Variants in CNBD1 observed in about 807,000 individuals in gnomAD.
CNBD1 encodes cyclic nucleotide-binding domain-containing protein 1.
In CNBD1, 71 loss-of-function variants were observed where a neutral mutation model predicts 54.4. The observed-to-expected ratio is 1.30, with a 90% CI of 1.08 to 1.59. The LOEUF is 1.59. Among genes scored for constraint, CNBD1 ranks in the 40% most tolerant of loss-of-function variants. CNBD1 has a pLI of 0.00. For synonymous variants in CNBD1, 182 were observed against 170.7 expected, an observed-to-expected ratio of 1.07 and a Z score of -0.51; for missense variants, 659 against 518.0, an observed-to-expected ratio of 1.27 and a Z score of -2.64.
intron 6 of CNBD1, among the ~76,000 whole-genome samples, chr8:87,254,706 G>C (rs1346739995): frequency 6.6e-6 from 1 of 152,182 alleles, no homozygotes; most frequent in Non-Finnish European, 1.5e-5. Flanking sequence ...CGTATCACCT[G>C]TTCAAGCAAT....
chr8:87,269,659 G>A (rs1808325046), intron 6 of CNBD1, among the ~76,000 whole-genome samples: 1 of 151,992 alleles, frequency 6.6e-6, no homozygotes, highest in Admixed American at 6.6e-5. Flanking sequence ...GCATTCCTAT[G>A]TGTTTTACTC....
intron 10 of CNBD1, among the ~76,000 whole-genome samples, chr8:87,365,190 G>T (rs536737920): frequency 6.6e-6 from 1 of 151,972 alleles, no homozygotes; most frequent in Admixed American, 6.6e-5. Context: ...AGTCAAAATG[G>T]CTATTCTGAC....
intron 6 of CNBD1, among the ~76,000 whole-genome samples, chr8:87,262,337 A>C (rs1046127832): frequency 1.3e-5 from 2 of 152,026 alleles, no homozygotes; most frequent in Admixed American, 1.3e-4. Flanking sequence ...TTCTTTTCTG[A>C]TGTGATGTTT....
At chr8:87,192,653 C>T (rs530082692) in intron 4 of CNBD1, among the ~76,000 whole-genome samples, 1 of 152,284 alleles carries the variant, frequency 6.6e-6, no homozygotes, top group African/African-American at 2.4e-5. Flanking sequence ...TAGTGAGTAA[C>T]CAACTAATTA....
At chr8:87,389,757 C>G (rs916407462) in intron 2 of CNBD1, among the ~76,000 whole-genome samples, 1 of 151,772 alleles carries the variant, frequency 6.6e-6, no homozygotes, top group Admixed American at 6.6e-5. Context: ...AACTAAAGTT[C>G]ATATGGAACC....
intron 4 of CNBD1, among the ~76,000 whole-genome samples, chr8:87,077,709 T>C (rs1719234755): frequency 6.6e-6 from 1 of 151,920 alleles, no homozygotes; most frequent in South Asian, 2.1e-4. Context: ...AGAATGATGG[T>C]TTCCAGCTTC....
downstream of CNBD1, among the ~76,000 whole-genome samples, chr8:87,386,890 G>C (rs191617207): frequency 0.019 from 2,870 of 152,300 alleles, 92 homozygotes; most frequent in African/African-American, 0.062. Flanking sequence ...GGAAGCCCAT[G>C]AGACTAACAG....
chr8:87,349,099 T>C (rs1374376158), intron 8 of CNBD1, among the ~76,000 whole-genome samples: 1 of 152,172 alleles, frequency 6.6e-6, no homozygotes, highest in Non-Finnish European at 1.5e-5. Flanking sequence ...ATAAATAAAA[T>C]TTTGTCTATA....
chr8:87,211,160 C>T (rs1017309273), intron 5 of CNBD1, among the ~76,000 whole-genome samples: 1 of 152,168 alleles, frequency 6.6e-6, no homozygotes, highest in Non-Finnish European at 1.5e-5. Context: ...TTGCTTGAGG[C>T]CTATAGCCTC....
In CNBD1 at chr8:87,323,733, T is replaced by C. The variant is rs1221137869; in HGVS notation, c.1043-27952T>C. 3.8e-5 allele frequency among the ~76,000 whole-genome samples: 5 copies of C among 131,720 alleles called. 1 individual carries two copies. Among genetic ancestry groups the C allele is most frequent in the Non-Finnish European group, 8.5e-5 (5 of 58,898 alleles). The allele number at this position is 131,720 out of a possible 152,430, so 86.4% of individuals were successfully genotyped here. On this transcript the variant is annotated intron_variant, in intron 8 of 10. Coordinates refer to ENST00000518476, the MANE Select transcript of CNBD1 (RefSeq NM_173538.3). ...ACGATGGGGTTTTCTAGATAAACAA[T>C]CATGTCATCTGCAAACAGGGACAAT...
chr8:86,921,882 C>T (rs1425369007), intron 3 of CNBD1, among the ~76,000 whole-genome samples: 1 of 152,066 alleles, frequency 6.6e-6, no homozygotes, highest in African/African-American at 2.4e-5. Context: ...CAGAGAGGGC[C>T]TCTGTGCTCA....
At chr8:86,992,253 T>G (rs888090392) in intron 4 of CNBD1, among the ~76,000 whole-genome samples, 4 of 152,098 alleles carry the variant, frequency 2.6e-5, no homozygotes, top group Admixed American at 1.3e-4. Context: ...ATACGCCTTA[T>G]CGTTAGGTAA....
chr8:87,172,034 C>A (rs1586305604), intron 4 of CNBD1, among the ~76,000 whole-genome samples: 1 of 152,174 alleles, frequency 6.6e-6, no homozygotes, highest in South Asian at 2.1e-4. Flanking sequence ...TTTCCATTAT[C>A]ATTTGTTTCA....
intron 6 of CNBD1, among the ~76,000 whole-genome samples, chr8:87,278,722 T>A (rs1808532882): frequency 6.6e-6 from 1 of 151,444 alleles, no homozygotes; most frequent in Non-Finnish European, 1.5e-5. Flanking sequence ...TAGAAAGAAC[T>A]GAAGAACAAA....
intron 5 of CNBD1, among the ~76,000 whole-genome samples, chr8:87,229,361 A>G (rs1021648490): frequency 1.3e-5 from 2 of 151,966 alleles, no homozygotes; most frequent in East Asian, 1.9e-4. Context: ...AATCCATGCT[A>G]TTTGTTTCTT....
At chr8:86,919,032 A>ATTT (rs1563821852) in intron 3 of CNBD1, among the ~76,000 whole-genome samples, 52 of 148,822 alleles carry the variant, frequency 3.5e-4, no homozygotes, top group African/African-American at 5.7e-4. Flanking sequence ...TTTTTTTTTA[A>ATTT]AAAAAAAGAG....
At chr8:87,089,949 G>A (rs1336878441) in intron 4 of CNBD1, among the ~76,000 whole-genome samples, 2 of 152,042 alleles carry the variant, frequency 1.3e-5, no homozygotes, top group African/African-American at 4.8e-5. Context: ...GGGAATTCAG[G>A]TTGGACAATA....
At chr8:87,149,784 T>C (rs1482672413) in intron 4 of CNBD1, among the ~76,000 whole-genome samples, 1 of 152,000 alleles carries the variant, frequency 6.6e-6, no homozygotes, top group Non-Finnish European at 1.5e-5. Flanking sequence ...GTAATGAGAA[T>C]AGAAGGTGAA....
chr8:86,884,687 C>T (rs1808655295), intron 1 of CNBD1, among the ~76,000 whole-genome samples: 1 of 152,174 alleles, frequency 6.6e-6, no homozygotes, highest in Admixed American at 6.5e-5. Context: ...TTGTTCAGTA[C>T]TTCAGTCCTA....
Sources: gnomAD v4.1 joint callset for allele counts (sites outside exome capture counted in the v4.1 genomes callset) on GRCh38, gnomAD v4.1.1 for gene constraint, MANE v1.5 for transcripts, NCBI Gene and HGNC (gene_info 2026-07-23, HGNC 2026-07-21) for gene names.